Variants in COL20A1 observed in about 807,000 individuals in gnomAD.
COL20A1 encodes the protein collagen alpha-1(XX) chain.
In COL20A1, 164 loss-of-function variants were observed where a neutral mutation model predicts 152.9. The observed-to-expected ratio is 1.07, with a 90% CI of 0.94 to 1.22. The LOEUF (loss-of-function observed/expected upper bound fraction) is 1.22. Ranked by LOEUF, COL20A1 falls within the 50% of genes most tolerant of loss-of-function variation. COL20A1 has a pLI of 0.00. For missense variants in COL20A1, 1,873 were observed against 1,744.8 expected (o/e 1.07, Z -1.31); for synonymous variants, 864 against 756.0 (o/e 1.14, Z -2.34).
At position 63,322,039 on chromosome 20, in the gene COL20A1, C is replaced by T; in HGVS notation, c.3241-19C>T. On this transcript the variant is annotated intron_variant, in intron 26 of 35. Transcript: ENST00000358894. ...GGTTGGGTAGTTCTGGGGGCTTAGC[C>T]CTGTTTGTGCCTCTGCAGGGCCTCC... 6.6e-7 allele frequency: 1 copy of T among 1,509,662 alleles called. No individual in the cohort carries two copies. Among genetic ancestry groups the T allele is most frequent in the Non-Finnish European group, 8.8e-7 (1 of 1,130,654 alleles). 93.5% of individuals were successfully genotyped at this position (1,509,662 alleles called of 1,614,324 possible). A position where few individuals can be genotyped will look rare whatever the true frequency, so the allele number is the denominator to read the frequency against.
intron 2 of COL20A1, among the ~76,000 whole-genome samples, chr20:63,295,881 G>A (rs959025335): frequency 6.6e-6 from 1 of 152,272 alleles, no homozygotes; most frequent in East Asian, 1.9e-4. Context: ...CCCTGGGCTG[G>A]GCCAACGCGG....
chr20:63,297,492 G>C (rs1010037761), intron 2 of COL20A1, among the ~76,000 whole-genome samples: 2 of 152,214 alleles, frequency 1.3e-5, no homozygotes, highest in Non-Finnish European at 2.9e-5. Context: ...TCAGCTCAGG[G>C]CCCTGGGCAG....
chr20:63,331,941 C>T lies in COL20A1; in HGVS notation c.*1225C>T, dbSNP rs1601450051. The T allele has an allele frequency of 6.6e-6, 1 of 152,274 alleles. No individual in the cohort carries two copies. The highest frequency in any genetic ancestry group is 1.9e-4 in the East Asian group (1 of 5,174). The allele number at this position is 152,274 out of a possible 1,614,324, so 9.4% of individuals were successfully genotyped here. ...CACTTCATCTATGATTCAACTGTTCCAGGAACTGACCAGACCTGGAGACCA... is the reference window on the plus strand; with the variant it reads ...CACTTCATCTATGATTCAACTGTTCTAGGAACTGACCAGACCTGGAGACCA... On this transcript the variant is annotated 3_prime_UTR_variant, in exon 36 of 36. Coordinates refer to ENST00000358894, the MANE Select transcript of COL20A1 (RefSeq NM_020882.4).
At chr20:63,301,472 C>G (rs2067862595) in intron 3 of COL20A1, among the ~76,000 whole-genome samples, 1 of 152,068 alleles carries the variant, frequency 6.6e-6, no homozygotes, top group South Asian at 2.1e-4. Context: ...TATATAGTTA[C>G]TATGTTTGGG....
At position 63,297,948 on chromosome 20, in the gene COL20A1, CG is replaced by C. The variant is rs1568762405; in HGVS notation, c.123del (p.Leu42CysfsTer3). 1.2e-6 allele frequency: 2 copies of C among 1,613,302 alleles called. No individual in the cohort carries two copies. The highest frequency in any genetic ancestry group is 1.7e-6 in the Non-Finnish European group (2 of 1,179,830). The part of the protein sequence containing the change: ...LLRLAVLPED[R>X]LQMKWRESEG... ...GAGGCTGGCTGTGCTGCCTGAGGACCGGCTGCAGATGAAGTGGAGAGAGTCG... is the reference window on the plus strand; with the variant it reads ...GAGGCTGGCTGTGCTGCCTGAGGACCGCTGCAGATGAAGTGGAGAGAGTCG... On this transcript the variant is annotated frameshift_variant, in exon 3 of 36. Transcript: ENST00000358894. LOFTEE classifies it high-confidence loss of function.
In COL20A1 at chr20:63,322,057, G is replaced by C. The variant is rs1461572148; in HGVS notation, c.3241-1G>C. 1 of 1,507,664 alleles carries C rather than the reference G, an allele frequency of 6.6e-7. No homozygotes were observed. Among genetic ancestry groups the C allele is most frequent in the African/African-American group, 1.4e-5 (1 of 69,536 alleles). The allele number at this position is 1,507,664 out of a possible 1,614,324, so 93.4% of individuals were successfully genotyped here. ...GCTTAGCCCTGTTTGTGCCTCTGCA[G>C]GGCCTCCCTGGGAGGAATGGCACCC... On this transcript the variant is annotated splice_acceptor_variant, in intron 26 of 35. Coordinates refer to ENST00000358894, the MANE Select transcript of COL20A1 (RefSeq NM_020882.4). LOFTEE classifies it high-confidence loss of function.
At position 63,325,729 on chromosome 20, in the gene COL20A1, C is replaced by T. The variant is rs1601441024; in HGVS notation, c.3402+8C>T. The stretch of plus-strand genomic sequence containing the variant: ...GGCCTCCAGGGACCAAAGGTGCCGG[C>T]TCTGGGCTTGGAGGGTTCTGTCAGG... On this transcript the variant is annotated splice_region_variant and intron_variant, in intron 29 of 35. Coordinates refer to ENST00000358894, the MANE Select transcript of COL20A1 (RefSeq NM_020882.4). 2 of 1,611,450 alleles carry T rather than the reference C, an allele frequency of 1.2e-6. No homozygotes were observed. The highest frequency in any genetic ancestry group is 2.2e-5 in the South Asian group (2 of 90,972).
chr20:63,328,494 C>A lies in COL20A1; in HGVS notation c.3777C>A (p.Gly1259=). 4 of 1,610,636 alleles carry A rather than the reference C, an allele frequency of 2.5e-6. No individual in the cohort carries two copies. Among genetic ancestry groups the A allele is most frequent in the Non-Finnish European group, 3.4e-6 (4 of 1,178,658 alleles). Reference sequence around the variant, plus strand: ...GGCGTGGTGGCCGCCACCTTGAGGGCAGAGGTACTGGGCTCCTGGCTCTTG... The same window carrying A: ...GGCGTGGTGGCCGCCACCTTGAGGGAAGAGGTACTGGGCTCCTGGCTCTTG... ...EWGRGGRHLE[G]RGEPGAVGQM... is the part of the protein sequence containing the mutation. The change falls in exon 34 of 36, where the codon GGC becomes GGA. Residue 1259 remains glycine (G), a synonymous_variant. Transcript: ENST00000358894.
In COL20A1 at chr20:63,312,921, G is replaced by T; in HGVS notation, c.2063G>T (p.Gly688Val). Reference sequence around the variant, plus strand: ...ATCACGTGGACGCCCCTGGGAGAGGGGAAGGCTCACGAGGTGGGCAGGGGT... The same window carrying T: ...ATCACGTGGACGCCCCTGGGAGAGGTGAAGGCTCACGAGGTGGGCAGGGGT... ...YQITWTPLGEGKAHEISVPGN... is the reference protein window; with the variant it reads ...YQITWTPLGEVKAHEISVPGN... The change falls in exon 16 of 36, where the codon GGG becomes GTG. Residue 688 changes from glycine (G) to valine (V), a missense_variant. Gly to Val is a moderately radical substitution (Grantham distance 109). Coordinates refer to ENST00000358894, the MANE Select transcript of COL20A1 (RefSeq NM_020882.4). The T allele has an allele frequency of 6.4e-7, 1 of 1,554,014 alleles. No individual in the cohort carries two copies. The highest frequency in any genetic ancestry group is 1.2e-5 in the South Asian group (1 of 84,358).
At chr20:63,301,131 A>G (rs1191067391) in intron 3 of COL20A1, among the ~76,000 whole-genome samples, 6 of 152,184 alleles carry the variant, frequency 3.9e-5, no homozygotes, top group Non-Finnish European at 8.8e-5. Context: ...CCTGTCCAAC[A>G]TGGCAAAACC....
In COL20A1 at chr20:63,311,544, G is replaced by C; in HGVS notation, c.1539+5G>C. ...GGTGAAGAGGAGGAGCGAGAGGTGA[G>C]CTGGGCCGGGGGGTGGCGGGGGAGG... On this transcript the variant is annotated splice_donor_5th_base_variant and intron_variant, in intron 12 of 35. Transcript: ENST00000358894. This position sits in a 1 kb window ranked among gnomAD's most constrained non-coding sequence, Gnocchi z 4.4. 1 of 1,600,374 alleles carries C rather than the reference G, an allele frequency of 6.2e-7. No individual in the cohort carries two copies. Among genetic ancestry groups the C allele is most frequent in the South Asian group, 1.1e-5 (1 of 89,070 alleles).
Position 63,325,337 on chromosome 20 carries a change from C to T in COL20A1, c.3295-104C>T, listed in dbSNP as rs764101724. ...GAGGCCAGCAGGGCTCGCCGGGGAC[C>T]CAGGGCCGTGCAGTCCAGGGGCCTG... is the stretch of plus-strand genomic sequence containing the variant. On this transcript the variant is annotated intron_variant, in intron 27 of 35. Transcript: ENST00000358894. 4.4e-6 allele frequency: 4 copies of T among 899,198 alleles called. No individual in the cohort carries two copies. The East Asian group carries it at 1.0e-4, about 23-fold the overall frequency. The allele number at this position is 899,198 out of a possible 1,614,324, so 55.7% of individuals were successfully genotyped here.
intron 26 of COL20A1, among the ~76,000 whole-genome samples, chr20:63,321,639 G>A (rs1443776852): frequency 2.0e-5 from 3 of 152,190 alleles, no homozygotes; most frequent in African/African-American, 2.4e-5. Flanking sequence ...TCAGGGAGGC[G>A]GCCCTCCAGG....
chr20:63,308,841 GCCAGGCACCGC>G, intron 8 of COL20A1, 135 bp downstream of exon 8: 1 of 813,324 alleles, frequency 1.2e-6, no homozygotes, highest in Admixed American at 3.2e-5. Context: ...TGCACGCAGA[GCCAGGCACCGC>G]CTGGCACTCA....
chr20:63,326,393 G>C (rs564974325), intron 30 of COL20A1, among the ~76,000 whole-genome samples: 2 of 152,212 alleles, frequency 1.3e-5, no homozygotes, highest in East Asian at 3.9e-4. Context: ...AGACCTTGGA[G>C]GGGGGTCTCC....
chr20:63,299,212 T>C (rs2123375113), intron 3 of COL20A1, among the ~76,000 whole-genome samples: 1 of 152,286 alleles, frequency 6.6e-6, no homozygotes, highest in South Asian at 2.1e-4. Context: ...ATCCCGCGTG[T>C]GTTTCTGGTG....
At position 63,314,165 on chromosome 20, in the gene COL20A1, G is replaced by A; in HGVS notation, c.2452G>A (p.Gly818Ser). 1 of 1,585,308 alleles carries A rather than the reference G, an allele frequency of 6.3e-7. No homozygotes were observed. The highest frequency in any genetic ancestry group is 8.6e-7 in the Non-Finnish European group (1 of 1,166,302). ...CCTGGTCTCAGCTATCTATGCAGCA[G>A]GCAGGAGTGAGGCTGTGTCTGCCAC... ...RVLVSAIYAA[G>S]RSEAVSATGQ... Residue 818 changes from glycine (G) to serine (S), a missense_variant, in exon 19 of 36, where the codon GGC becomes AGC. Transcript: ENST00000358894.
rs1343756619 is a variant in COL20A1, at chr20:63,312,310, TG to T, written c.1804-104del. 7 of 1,287,400 alleles carry T rather than the reference TG, an allele frequency of 5.4e-6. No homozygotes were observed. The East Asian group carries it at 7.9e-5, about 15-fold the overall frequency. The allele number at this position is 1,287,400 out of a possible 1,614,324, so 79.7% of individuals were successfully genotyped here. A position where few individuals can be genotyped will look rare whatever the true frequency, so the allele number is the denominator to read the frequency against. ...AGGACAAGCCCATTTTCCCCGTTTC[TG>T]GGGGGTCGTGGGGTAGTCCTGGCTG... On this transcript the variant is annotated intron_variant, in intron 14 of 35. Transcript: ENST00000358894.
intron 20 of COL20A1, 65 bp from the exon 21 acceptor site, chr20:63,316,488 C>A: frequency 6.9e-7 from 1 of 1,458,074 alleles, no homozygotes; most frequent in East Asian, 2.5e-5. Flanking sequence ...CGCTCCTGCC[C>A]CTTCCTCCCT....
Sources: allele counts gnomAD v4.1 joint callset (sites outside exome capture counted in the v4.1 genomes callset), GRCh38; gene constraint gnomAD v4.1.1; non-coding constraint Gnocchi (gnomAD v3.1); transcripts MANE v1.5; gene names NCBI Gene and HGNC (gene_info 2026-07-23, HGNC 2026-07-21).